Variants in NEB observed in about 807,000 individuals in gnomAD.
NEB encodes nemaline myopathy type 2.
Under a neutral mutation model 952.2 loss-of-function variants are expected in NEB, and 512 were observed. The observed-to-expected ratio is 0.54, with a 90% CI of 0.50 to 0.58. NEB has a LOEUF of 0.58. NEB is among the 20% of genes least tolerant of loss of function. The pLI, the probability that NEB is intolerant of heterozygous loss-of-function variation, is 0.00. For missense variants in NEB, 8,428 were observed against 9,231.1 expected (o/e 0.91, Z 3.56); for synonymous variants, 2,900 against 3,149.8 (o/e 0.92, Z 2.66).
chr2:151,671,555 T>C (rs1559078593), intron 37 of NEB, among the ~76,000 whole-genome samples: 1 of 152,190 alleles, frequency 6.6e-6, no homozygotes, highest in Non-Finnish European at 1.5e-5. Context: ...CTTACTGTAT[T>C]ATGAAGCCTA....
rs370873040 is a variant in NEB, at chr2:151,514,821, G to A, written c.23013C>T (p.Ser7671=). The A allele has an allele frequency of 4.6e-4, 721 of 1,563,474 alleles. 1 individual carries two copies. The highest frequency in any genetic ancestry group is 6.0e-4 in the Non-Finnish European group (687 of 1,151,958). The stretch of plus-strand genomic sequence containing the variant: ...GAAAAGACCAAGTGGGCACTACCTC[G>A]CTTGCTATTTTAGTTGCATATTTGA... ...LHVKYATKIA[S]EKEYRKDLEE... Residue 7671 remains serine, a synonymous_variant, in exon 158 of 182, where the codon AGC becomes AGT. Coordinates refer to ENST00000397345, the MANE Select transcript of NEB (RefSeq NM_001164508.2).
At position 151,563,600 on chromosome 2, in the gene NEB, A is replaced by G. The variant is rs563840333; in HGVS notation, c.18693+6T>C. On this transcript the variant is annotated splice_donor_region_variant and intron_variant, in intron 119 of 181. Transcript: ENST00000397345. ...AAATCCCGTGTTAAAGTGGACATTTACTTACCGCACTCCTCATCTTTTGGA... is the reference window on the plus strand; with the variant it reads ...AAATCCCGTGTTAAAGTGGACATTTGCTTACCGCACTCCTCATCTTTTGGA... The G allele has an allele frequency of 3.7e-6, 6 of 1,608,778 alleles. No homozygotes were observed. In the South Asian group the frequency reaches 5.5e-5, roughly 15 times the overall value.
chr2:151,561,875 C>T (rs1279796365), intron 121 of NEB, among the ~76,000 whole-genome samples: 1 of 152,112 alleles, frequency 6.6e-6, no homozygotes, highest in Non-Finnish European at 1.5e-5. Context: ...AAACACCTCC[C>T]AGATAAGCTT....
Position 151,696,753 on chromosome 2 carries a change from C to A in NEB, c.1471-18G>T. On this transcript the variant is annotated intron_variant, in intron 16 of 181. Coordinates refer to ENST00000397345, the MANE Select transcript of NEB (RefSeq NM_001164508.2). ...TAGGTGTGCTGTGGGGAAGCAAAGG[C>A]ATTTGGTTTAGTAGTATCACCTGTC... 1 of 1,602,600 alleles carries A rather than the reference C, an allele frequency of 6.2e-7. No individual in the cohort carries two copies. Among genetic ancestry groups the A allele is most frequent in the Non-Finnish European group, 8.5e-7 (1 of 1,169,994 alleles).
chr2:151,505,830 G>A, intron 164 of NEB: 1 of 546,388 alleles, frequency 1.8e-6, no homozygotes, highest in Non-Finnish European at 3.3e-6. Context: ...GCCCTTTCCT[G>A]TATACTCCAA....
At chr2:151,545,155 C>CA (rs1289248052) in intron 135 of NEB, among the ~76,000 whole-genome samples, 4 of 152,184 alleles carry the variant, frequency 2.6e-5, no homozygotes, top group Admixed American at 6.5e-5. Flanking sequence ...ACTGAATGGG[C>CA]AGCAGAGCAG....
At chr2:151,564,181 A>G (rs1334888098) in intron 117 of NEB, among the ~76,000 whole-genome samples, 1 of 151,924 alleles carries the variant, frequency 6.6e-6, no homozygotes. Flanking sequence ...TTGAGACAGA[A>G]TCTTGCTCCA....
At chr2:151,534,065 C>A in intron 142 of NEB, 1 of 620,084 alleles carries the variant, frequency 1.6e-6, no homozygotes, top group Non-Finnish European at 2.8e-6. Flanking sequence ...AGCTGACGGG[C>A]TTTTTGGGTG....
chr2:151,545,504 G>A (rs1184222883), intron 135 of NEB, among the ~76,000 whole-genome samples: 1 of 151,992 alleles, frequency 6.6e-6, no homozygotes, highest in Non-Finnish European at 1.5e-5. Flanking sequence ...GAACCCAGGA[G>A]ACAGAGGTTG....
chr2:151,698,486 T>G lies in NEB; in HGVS notation c.1153-838A>C, dbSNP rs540787105. Reference sequence around the variant, plus strand: ...TTCTGGAATGAGATGGTATTATTTGTGCAACATTGTAAATGTAATTAATGC... The same window carrying G: ...TTCTGGAATGAGATGGTATTATTTGGGCAACATTGTAAATGTAATTAATGC... On this transcript the variant is annotated intron_variant, in intron 13 of 181. Coordinates refer to ENST00000397345, the MANE Select transcript of NEB (RefSeq NM_001164508.2). Among the ~76,000 whole-genome samples, 180 of 152,252 alleles carry G rather than the reference T, an allele frequency of 1.2e-3. 2 individuals carry two copies. The highest frequency in any genetic ancestry group is 3.8e-3 in the African/African-American group (158 of 41,530).
intron 158 of NEB, 102 bp downstream of exon 158, chr2:151,514,716 A>C: frequency 1.2e-6 from 1 of 842,298 alleles, no homozygotes. Context: ...TTTGAAACCC[A>C]CAGTTAGGTG....
intron 63 of NEB, among the ~76,000 whole-genome samples, chr2:151,638,670 C>T (rs777879255): frequency 2.0e-5 from 3 of 152,154 alleles, no homozygotes; most frequent in Non-Finnish European, 4.4e-5. Flanking sequence ...GGGAGGGGTA[C>T]CTTTGCACTA....
At chr2:151,510,160 G>C (rs769130241) in intron 161 of NEB, among the ~76,000 whole-genome samples, 2 of 152,124 alleles carry the variant, frequency 1.3e-5, no homozygotes, top group African/African-American at 4.8e-5. Context: ...GTGATTACTC[G>C]TATGTTGTCT....
At chr2:151,721,524 T>C (rs939588858) in intron 9 of NEB, among the ~76,000 whole-genome samples, 4 of 152,230 alleles carry the variant, frequency 2.6e-5, no homozygotes, top group Admixed American at 6.5e-5. Context: ...CCACATGGCC[T>C]TCTCTGATTA....
At chr2:151,653,862 A>T in intron 52 of NEB, 130 bp downstream of exon 52, 1 of 548,488 alleles carries the variant, frequency 1.8e-6, no homozygotes. Context: ...GGATAAATGA[A>T]GAGGGTAGGA....
At chr2:151,554,395 C>A (rs1436070885) in intron 125 of NEB, among the ~76,000 whole-genome samples, 2 of 151,736 alleles carry the variant, frequency 1.3e-5, no homozygotes, top group African/African-American at 4.8e-5. Context: ...ATTCCAATCG[C>A]TACAAAAAAA....
Position 151,694,566 on chromosome 2 carries a change from T to G in NEB, c.1738A>C (p.Ile580Leu). Reference sequence around the variant, plus strand: ...TTGGCTTTGGCTGCCAGCAGGGGAATGGCATCCACTTTAATGTCAAACTTT... The same window carrying G: ...TTGGCTTTGGCTGCCAGCAGGGGAAGGGCATCCACTTTAATGTCAAACTTT... ...AKKFDIKVDA[I>L]PLLAAKANTK... Residue 580 changes from isoleucine (I) to leucine (L), a missense_variant, in exon 19 of 182, where the codon ATT (isoleucine) becomes CTT (leucine). Coordinates refer to ENST00000397345, the MANE Select transcript of NEB (RefSeq NM_001164508.2). The G allele has an allele frequency of 6.2e-7, 1 of 1,610,914 alleles. No individual in the cohort carries two copies. The highest frequency in any genetic ancestry group is 1.1e-5 in the South Asian group (1 of 90,734).
intron 142 of NEB, 125 bp from the exon 143 acceptor site, chr2:151,533,671 G>A: frequency 1.6e-6 from 1 of 631,494 alleles, no homozygotes; most frequent in Non-Finnish European, 2.8e-6. Flanking sequence ...ACTCACATAT[G>A]TGCGGGTGAA....
chr2:151,488,532 G>A (rs1276905139), intron 181 of NEB, among the ~76,000 whole-genome samples: 2 of 151,674 alleles, frequency 1.3e-5, no homozygotes, highest in East Asian at 1.9e-4. Context: ...TGTAGTCCTA[G>A]CTATTCTGGT....
Sources: gnomAD v4.1 joint callset for allele counts (sites outside exome capture counted in the v4.1 genomes callset) on GRCh38, gnomAD v4.1.1 for gene constraint, MANE v1.5 for transcripts, NCBI Gene and HGNC (gene_info 2026-07-23, HGNC 2026-07-21) for gene names.